Variants in CDH12 observed in about 807,000 individuals in gnomAD.
CDH12 encodes cadherin 12, also known as cadherin-12.
Under a neutral mutation model 74.1 loss-of-function variants are expected in CDH12, and 41 were observed. The ratio of observed to expected loss-of-function variants is 0.55; its 90% CI spans 0.43 to 0.72. The LOEUF (loss-of-function observed/expected upper bound fraction) is 0.72, where lower values mean the gene tolerates loss of function less well. Among genes scored for constraint, CDH12 ranks in the 30% least tolerant of loss-of-function variants. The pLI is 0.00. For missense variants in CDH12, 945 were observed against 977.2 expected, an observed-to-expected ratio of 0.97 and a Z score of 0.44; for synonymous variants, 399 against 355.0, an observed-to-expected ratio of 1.12 and a Z score of -1.39.
Position 22,405,368 on chromosome 5 carries a change from G to A in CDH12, c.-427-17C>T, listed in dbSNP as rs1033526006. The A allele has an allele frequency of 1.3e-6, 1 of 784,024 alleles. No homozygotes were observed. The highest frequency in any genetic ancestry group is 1.9e-5 in the African/African-American group (1 of 53,162). The allele number at this position is 784,024 out of a possible 1,614,324, so 48.6% of individuals were successfully genotyped here. On this transcript the variant is annotated splice_polypyrimidine_tract_variant and intron_variant, in intron 2 of 14. Coordinates refer to ENST00000382254, the MANE Select transcript of CDH12 (RefSeq NM_004061.5). ...ACATCAAAGCTGAAAAATATGTAAA[G>A]AAAATGCTTTAAGAATATGCAAGAC...
At chr5:22,234,754 TTATC>T (rs1580432136) in intron 3 of CDH12, among the ~76,000 whole-genome samples, 1 of 152,092 alleles carries the variant, frequency 6.6e-6, no homozygotes, top group South Asian at 2.1e-4. Flanking sequence ...CCATTTACGT[TTATC>T]TATATTTTGC....
intron 3 of CDH12, among the ~76,000 whole-genome samples, chr5:22,373,134 C>G (rs577578710): frequency 1.2e-4 from 18 of 152,146 alleles, no homozygotes; most frequent in Non-Finnish European, 2.4e-4. Flanking sequence ...AAGTCCCATT[C>G]CCCCAGGATT....
Position 21,760,690 on chromosome 5 carries a change from A to C in CDH12, c.1516-15T>G, listed in dbSNP as rs780870390. ...ATCTGAATTATCTGCAACAGAGTTG[A>C]GATTAAAGTCGGTCATCAGTTTCAA... is the stretch of plus-strand genomic sequence containing the variant. On this transcript the variant is annotated splice_polypyrimidine_tract_variant and intron_variant, in intron 12 of 14. Coordinates refer to ENST00000382254, the MANE Select transcript of CDH12 (RefSeq NM_004061.5). 3.4e-6 allele frequency: 5 copies of C among 1,459,644 alleles called. No homozygotes were observed. In the South Asian group the frequency reaches 4.6e-5, roughly 13 times the overall value. 90.4% of individuals were successfully genotyped at this position (1,459,644 alleles called of 1,614,324 possible).
chr5:22,081,529 A>C (rs996606783), intron 4 of CDH12, among the ~76,000 whole-genome samples: 2 of 152,180 alleles, frequency 1.3e-5, no homozygotes, highest in African/African-American at 4.8e-5. Flanking sequence ...CTGACTTCCC[A>C]AATCTATTCT....
intron 6 of CDH12, among the ~76,000 whole-genome samples, chr5:21,864,902 T>C (rs1751247018): frequency 1.3e-5 from 2 of 152,300 alleles, no homozygotes; most frequent in Admixed American, 6.5e-5. Flanking sequence ...TTATGCAGTC[T>C]GAGATGGAAC....
chr5:22,450,359 T>A (rs1033668574), intron 2 of CDH12, among the ~76,000 whole-genome samples: 4 of 152,034 alleles, frequency 2.6e-5, no homozygotes, highest in Admixed American at 2.6e-4. Context: ...AAGAGAAATA[T>A]GGATCCACCT....
intron 1 of CDH12, among the ~76,000 whole-genome samples, chr5:22,797,205 A>AAG (rs1379641571): frequency 6.7e-6 from 1 of 150,152 alleles, no homozygotes; most frequent in East Asian, 1.9e-4. Flanking sequence ...AAAAAAAAAA[A>AAG]AGATCCAGAG....
intron 1 of CDH12, among the ~76,000 whole-genome samples, chr5:22,849,514 T>C (rs992205073): frequency 6.6e-6 from 1 of 152,188 alleles, no homozygotes; most frequent in Non-Finnish European, 1.5e-5. Context: ...TGTGTCCTAA[T>C]GTTTGACTAT....
Position 22,464,239 on chromosome 5 carries a change from G to A in CDH12, c.-428+41031C>T, listed in dbSNP as rs542052495. ...ATGATTGTGAGGCTTCCCCAGCCAC[G>A]CAGAACTGCAAATCCATTAAACCCC... On this transcript the variant is annotated intron_variant, in intron 2 of 14. Coordinates refer to ENST00000382254, the MANE Select transcript of CDH12 (RefSeq NM_004061.5). Among the ~76,000 whole-genome samples, 18 of 152,280 alleles carry A rather than the reference G, an allele frequency of 1.2e-4. No homozygotes were observed. The South Asian group carries it at 3.3e-3, about 28-fold the overall frequency.
intron 10 of CDH12, among the ~76,000 whole-genome samples, chr5:21,798,956 G>A (rs1746959286): frequency 6.6e-6 from 1 of 152,104 alleles, no homozygotes; most frequent in Non-Finnish European, 1.5e-5. Context: ...AGGGGTACAG[G>A]CTGGAAGAGT....
chr5:22,532,648 AGT>A (rs1158145061), intron 1 of CDH12, among the ~76,000 whole-genome samples: 1 of 151,674 alleles, frequency 6.6e-6, no homozygotes, highest in Non-Finnish European at 1.5e-5. Flanking sequence ...TAGTATGCTG[AGT>A]CCTTCTTAAC....
chr5:22,299,451 T>C (rs1361031184), intron 3 of CDH12, among the ~76,000 whole-genome samples: 3 of 152,192 alleles, frequency 2.0e-5, no homozygotes, highest in Non-Finnish European at 2.9e-5. Flanking sequence ...ATTATAAAAT[T>C]ATACTGCAAA....
intron 4 of CDH12, among the ~76,000 whole-genome samples, chr5:22,104,225 A>G (rs1744304632): frequency 6.6e-6 from 1 of 152,216 alleles, no homozygotes; most frequent in Admixed American, 6.5e-5. Flanking sequence ...GCCATAATGT[A>G]TTAGAAAATA....
In CDH12 at chr5:22,078,489, A is replaced by G. The variant is rs1742489282; in HGVS notation, c.188T>C (p.Val63Ala). The change falls in exon 5 of 15, where the codon GTG (valine) becomes GCG (alanine). Residue 63 changes from valine to alanine, a missense_variant. By Grantham distance (64) the Val-to-Ala change is moderately conservative (BLOSUM62 0). Around this residue, in one of 3 missense-constraint regions of CDH12, gnomAD observed 148 missense variants for 162.8 expected, o/e 0.91. Coordinates refer to ENST00000382254, the MANE Select transcript of CDH12 (RefSeq NM_004061.5). ...CTCGGAGCCCACGTATTCTTCCAGCACAAAAAATTGATTCCATACCCAGCC... is the reference window on the plus strand; with the variant it reads ...CTCGGAGCCCACGTATTCTTCCAGCGCAAAAAATTGATTCCATACCCAGCC... ...KRGWVWNQFF[V>A]LEEYVGSEPQ... 1.2e-6 allele frequency: 2 copies of G among 1,613,818 alleles called. No homozygotes were observed. The highest frequency in any genetic ancestry group is 2.2e-5 in the East Asian group (1 of 44,894).
chr5:22,336,766 T>A (rs531342752), intron 3 of CDH12, among the ~76,000 whole-genome samples: 2 of 152,280 alleles, frequency 1.3e-5, no homozygotes, highest in East Asian at 3.9e-4. Flanking sequence ...ATGAAGAACC[T>A]CTGCTAGGGC....
intron 14 of CDH12, among the ~76,000 whole-genome samples, chr5:21,753,476 A>G (rs1208853909): frequency 6.6e-6 from 1 of 152,188 alleles, no homozygotes; most frequent in Non-Finnish European, 1.5e-5. Context: ...TGAGTTCAGA[A>G]TCACCATGGC....
intron 1 of CDH12, among the ~76,000 whole-genome samples, chr5:22,780,773 T>C (rs1025983426): frequency 6.6e-6 from 1 of 152,056 alleles, no homozygotes; most frequent in Non-Finnish European, 1.5e-5. Context: ...AGACCCTGTT[T>C]CTCTCTTTTT....
chr5:22,064,022 A>AAC (rs374544574), intron 5 of CDH12, among the ~76,000 whole-genome samples: 14 of 121,744 alleles, frequency 1.1e-4, no homozygotes, highest in East Asian at 2.4e-4. Flanking sequence ...CACACACACA[A>AAC]ACACACACAC....
chr5:22,529,318 A>T (rs1027519971), intron 1 of CDH12, among the ~76,000 whole-genome samples: 1 of 151,870 alleles, frequency 6.6e-6, no homozygotes, highest in African/African-American at 2.4e-5. Context: ...CTGGTGACCC[A>T]GAAGAGCCAA....
Sources: allele counts gnomAD v4.1 joint callset (sites outside exome capture counted in the v4.1 genomes callset), GRCh38; gene constraint gnomAD v4.1.1; regional missense constraint gnomAD v4.1.1; transcripts MANE v1.5; gene names NCBI Gene and HGNC (gene_info 2026-07-23, HGNC 2026-07-21).